Variants in ATP10A observed in about 807,000 individuals in gnomAD.
ATP10A encodes the protein ATPase phospholipid transporting 10A (putative), also known as phospholipid-transporting ATPase VA.
ATP10A carries 111 observed loss-of-function variants against 147.8 expected under a neutral mutation model. That is an observed-to-expected ratio of 0.75 (90% CI 0.64 to 0.88). The LOEUF (loss-of-function observed/expected upper bound fraction) is 0.88. Ranked by LOEUF, ATP10A falls within the 40% of genes least tolerant of loss-of-function variation. The pLI, the probability that ATP10A is intolerant of heterozygous loss-of-function variation, is 0.00. For missense variants in ATP10A, 1,927 were observed against 1,959.0 expected (o/e 0.98, Z 0.31); for synonymous variants, 875 against 841.6 (o/e 1.04, Z -0.69).
At chr15:25,818,567 A>G (rs1393168165) in intron 1 of ATP10A, among the ~76,000 whole-genome samples, 1 of 152,140 alleles carries the variant, frequency 6.6e-6, no homozygotes, top group Non-Finnish European at 1.5e-5. Flanking sequence ...CCCTATCAAA[A>G]TACTAATATC....
intron 10 of ATP10A, among the ~76,000 whole-genome samples, chr15:25,713,094 G>A (rs1425001106): frequency 6.6e-6 from 1 of 152,214 alleles, no homozygotes; most frequent in African/African-American, 2.4e-5. Flanking sequence ...GGGCCCCTAG[G>A]CTCCTGCAGC....
intron 1 of ATP10A, among the ~76,000 whole-genome samples, chr15:25,857,070 T>C (rs1893550651): frequency 6.6e-6 from 1 of 152,228 alleles, no homozygotes; most frequent in African/African-American, 2.4e-5. Context: ...TTATAGCTAA[T>C]TCAAGCATAC....
chr15:25,771,855 C>T (rs1032554429), intron 2 of ATP10A, among the ~76,000 whole-genome samples: 2 of 151,776 alleles, frequency 1.3e-5, no homozygotes, highest in Non-Finnish European at 2.9e-5. Flanking sequence ...TGGATTCAAG[C>T]TATTCTCCTG....
At chr15:25,674,454 G>A (rs1162165274), downstream of ATP10A, among the ~76,000 whole-genome samples, 1 of 152,094 alleles carries the variant, frequency 6.6e-6, no homozygotes, top group Non-Finnish European at 1.5e-5. Flanking sequence ...AACTCAGACG[G>A]CCCAGCTAGT....
chr15:25,778,673 G>A (rs573930356), intron 2 of ATP10A, among the ~76,000 whole-genome samples: 1 of 152,176 alleles, frequency 6.6e-6, no homozygotes, highest in Admixed American at 6.6e-5. Context: ...AGCATTCCTG[G>A]GGCCCTGAGA....
intron 16 of ATP10A, among the ~76,000 whole-genome samples, chr15:25,686,006 T>A (rs1275697334): frequency 6.6e-6 from 1 of 151,938 alleles, no homozygotes; most frequent in African/African-American, 2.4e-5. Flanking sequence ...TTCTGGGGAT[T>A]TAATGCCAGG....
At chr15:25,675,556 T>C (rs1899119258), downstream of ATP10A, among the ~76,000 whole-genome samples, 1 of 151,820 alleles carries the variant, frequency 6.6e-6, no homozygotes, top group East Asian at 1.9e-4. Flanking sequence ...TGGCTTCCCT[T>C]CTGAGTGAGA....
intron 16 of ATP10A, among the ~76,000 whole-genome samples, chr15:25,685,108 AT>A (rs1299582165): frequency 2.0e-5 from 3 of 152,030 alleles, no homozygotes; most frequent in South Asian, 2.1e-4. Context: ...GATAATTGAG[AT>A]TTTTTTTCCT....
chr15:25,756,958 C>T (rs1037522779), intron 2 of ATP10A, among the ~76,000 whole-genome samples: 6 of 152,150 alleles, frequency 3.9e-5, no homozygotes, highest in African/African-American at 1.4e-4. Flanking sequence ...TCATAAACAG[C>T]TCAAATATAA....
At position 25,734,422 on chromosome 15, in the gene ATP10A, C is replaced by A. The variant is rs2140480403; in HGVS notation, c.740+1634G>T. 2.0e-5 allele frequency among the ~76,000 whole-genome samples: 3 copies of A among 152,262 alleles called. No homozygotes were observed. The South Asian group carries it at 6.2e-4, about 32-fold the overall frequency. On this transcript the variant is annotated intron_variant, in intron 3 of 20. Transcript: ENST00000555815. ...CCACTGAACATTCTCCAGAGATTGCCCTCGCCCCACCCTTCACAATCATTG... is the reference window on the plus strand; with the variant it reads ...CCACTGAACATTCTCCAGAGATTGCACTCGCCCCACCCTTCACAATCATTG...
chr15:25,702,095 T>C lies in ATP10A; in HGVS notation c.2581A>G (p.Thr861Ala), dbSNP rs1900702155. Residue 861 changes from threonine to alanine, a missense_variant, in exon 13 of 21, where the codon ACT (threonine) becomes GCT (alanine). Coordinates refer to ENST00000555815, the MANE Select transcript of ATP10A (RefSeq NM_024490.4). The stretch of plus-strand genomic sequence containing the variant: ...TCCTGCAGGCGGTCTTCAATCCCAG[T>C]GGCACCTGGTCAAATGCACAGCAGT... The part of the protein sequence containing the change: ...LETNLHLLGA[T>A]GIEDRLQDGV... 6.2e-7 allele frequency: 1 copy of C among 1,610,908 alleles called. No individual in the cohort carries two copies. The highest frequency in any genetic ancestry group is 8.5e-7 in the Non-Finnish European group (1 of 1,178,426).
intron 2 of ATP10A, among the ~76,000 whole-genome samples, chr15:25,750,287 T>A (rs897897781): frequency 6.6e-6 from 1 of 151,986 alleles, no homozygotes; most frequent in African/African-American, 2.4e-5. Flanking sequence ...TGGAGCAACA[T>A]CTTTAAAGCA....
intron 3 of ATP10A, among the ~76,000 whole-genome samples, chr15:25,731,395 G>A (rs186199499): frequency 1.8e-4 from 27 of 152,302 alleles, no homozygotes; most frequent in Non-Finnish European, 3.8e-4. Context: ...TTGACAGATC[G>A]GAAAAGAGAA....
At position 25,766,132 on chromosome 15, in the gene ATP10A, C is replaced by T. The variant is rs116987930; in HGVS notation, c.654+14887G>A. ...TTAGGAAGAAACAAAAGTGGAAACC[C>T]CTCATAAACCCATCAGGTCTAGTGA... is the stretch of plus-strand genomic sequence containing the variant. On this transcript the variant is annotated intron_variant, in intron 2 of 20. Coordinates refer to ENST00000555815, the MANE Select transcript of ATP10A (RefSeq NM_024490.4). 6.7e-4 allele frequency among the ~76,000 whole-genome samples: 102 copies of T among 152,274 alleles called. 1 individual carries two copies. The East Asian group carries it at 0.017, about 26-fold the overall frequency.
chr15:25,705,031 C>A (rs1900892571), intron 12 of ATP10A, among the ~76,000 whole-genome samples: 1 of 152,156 alleles, frequency 6.6e-6, no homozygotes, highest in South Asian at 2.1e-4. Flanking sequence ...CAAGAGTATC[C>A]TTTGAATTTA....
At chr15:25,759,633 C>G (rs762528454) in intron 2 of ATP10A, among the ~76,000 whole-genome samples, 25 of 151,940 alleles carry the variant, frequency 1.6e-4, no homozygotes, top group Non-Finnish European at 2.9e-4. Flanking sequence ...TGGTGAGTTC[C>G]TATGTCTACA....
chr15:25,717,544 A>T (rs985457819), intron 8 of ATP10A, among the ~76,000 whole-genome samples: 1 of 152,120 alleles, frequency 6.6e-6, no homozygotes. Flanking sequence ...CCCCACTCCC[A>T]GGGGCCCTGT....
chr15:25,851,020 C>A (rs1174984419), intron 1 of ATP10A, among the ~76,000 whole-genome samples: 1 of 151,884 alleles, frequency 6.6e-6, no homozygotes, highest in Non-Finnish European at 1.5e-5. Context: ...GGAAGCAAAG[C>A]AAACAGAGGC....
chr15:25,831,178 G>A (rs1461431623), intron 1 of ATP10A, among the ~76,000 whole-genome samples: 1 of 152,188 alleles, frequency 6.6e-6, no homozygotes, highest in East Asian at 1.9e-4. Context: ...TAGGACCGCT[G>A]CCCATACCCT....
Sources: gnomAD v4.1 joint callset for allele counts (sites outside exome capture counted in the v4.1 genomes callset) on GRCh38, gnomAD v4.1.1 for gene constraint, MANE v1.5 for transcripts, NCBI Gene and HGNC (gene_info 2026-07-23, HGNC 2026-07-21) for gene names.